TRPM8: variants seen among roughly 807,000 people sequenced by gnomAD.
TRPM8 encodes TRPM8 cationic channel.
TRPM8 carries 110 observed loss-of-function variants against 133.7 expected under a neutral mutation model. That is an observed-to-expected ratio of 0.82 (90% CI 0.70 to 0.96). TRPM8 has a LOEUF of 0.96. TRPM8 is among the 40% of genes least tolerant of loss of function. The pLI is 0.00. For missense variants in TRPM8, 1,291 were observed against 1,379.5 expected (o/e 0.94, Z 1.02); for synonymous variants, 535 against 532.3 (o/e 1.01, Z -0.07).
At chr2:233,957,392 G>A (rs1691319278) in intron 11 of TRPM8, among the ~76,000 whole-genome samples, 1 of 151,988 alleles carries the variant, frequency 6.6e-6, no homozygotes, top group African/African-American at 2.4e-5. Context: ...AGGTGGCTGA[G>A]GTGGGAGGAT....
intron 21 of TRPM8, among the ~76,000 whole-genome samples, chr2:233,994,255 C>T (rs892643207): frequency 2.0e-5 from 3 of 152,198 alleles, no homozygotes; most frequent in Non-Finnish European, 4.4e-5. Context: ...ACAGAACCAG[C>T]TGTGGACTAG....
intron 25 of TRPM8, 42 bp downstream of exon 25, chr2:234,014,696 G>A (rs1692916844): frequency 2.7e-6 from 2 of 734,806 alleles, no homozygotes; most frequent in Non-Finnish European, 4.3e-6. Context: ...CTGAAGATTT[G>A]CATCTTTTAA....
Position 233,926,593 on chromosome 2 carries a change from A to G in TRPM8, c.56A>G (p.Asp19Gly). The stretch of plus-strand genomic sequence containing the variant: ...AGGAACAGAAGGAATGACACTCTGG[A>G]CAGCACCCGGACCCTGTACTCCAGC... ...SMRNRRNDTL[D>G]STRTLYSSAS... is the part of the protein sequence containing the mutation. The change falls in exon 2 of 26, where the codon GAC becomes GGC. Residue 19 changes from aspartate (D) to glycine (G), a missense_variant. Physicochemically the swap from Asp to Gly is moderately conservative, Grantham distance 94. Transcript: ENST00000324695. The G allele has an allele frequency of 6.2e-7, 1 of 1,614,178 alleles. No individual in the cohort carries two copies. Among genetic ancestry groups the G allele is most frequent in the Non-Finnish European group, 8.5e-7 (1 of 1,180,020 alleles).
intron 24 of TRPM8, among the ~76,000 whole-genome samples, chr2:234,010,324 T>C (rs1692805372): frequency 6.6e-6 from 1 of 152,238 alleles, no homozygotes; most frequent in Non-Finnish European, 1.5e-5. Flanking sequence ...TTCCCCATTT[T>C]AAGGGTGAAA....
At position 233,982,954 on chromosome 2, in the gene TRPM8, C is replaced by T. The variant is rs368691123; in HGVS notation, c.2590-99C>T. 3.2e-5 allele frequency: 43 copies of T among 1,338,674 alleles called. 1 individual carries two copies. Among genetic ancestry groups the T allele is most frequent in the Admixed American group, 8.4e-5 (4 of 47,878 alleles). 82.9% of individuals were successfully genotyped at this position (1,338,674 alleles called of 1,614,324 possible). On this transcript the variant is annotated intron_variant, in intron 19 of 25. Transcript: ENST00000324695. Reference sequence around the variant, plus strand: ...ACTTAGATGCTCTGAGCCCTGGAACCGCTGCTCTTCTCCATGGTCCACTGA... The same window carrying T: ...ACTTAGATGCTCTGAGCCCTGGAACTGCTGCTCTTCTCCATGGTCCACTGA...
intron 5 of TRPM8, 125 bp downstream of exon 5, chr2:233,939,300 C>A: frequency 9.4e-7 from 1 of 1,060,424 alleles, no homozygotes; most frequent in Non-Finnish European, 1.3e-6. Flanking sequence ...TCTGATTAAT[C>A]GTTATCTTAT....
intron 2 of TRPM8, 29 bp from the exon 3 acceptor site, chr2:233,930,639 A>C (rs749035985): frequency 6.8e-7 from 1 of 1,463,428 alleles, no homozygotes; most frequent in Admixed American, 1.7e-5. Flanking sequence ...TAAATTAGTA[A>C]TGTGTTATTC....
chr2:234,014,887 C>T (rs550471462), intron 25 of TRPM8, among the ~76,000 whole-genome samples: 33 of 152,150 alleles, frequency 2.2e-4, no homozygotes, highest in Non-Finnish European at 3.5e-4. Flanking sequence ...AGCATTGCTA[C>T]GAGCAGGGTG....
intron 25 of TRPM8, among the ~76,000 whole-genome samples, chr2:234,016,470 T>C (rs542234926): frequency 6.6e-6 from 1 of 152,258 alleles, no homozygotes; most frequent in South Asian, 2.1e-4. Context: ...TTAGGCTTCT[T>C]TCTCTAGAGG....
chr2:233,985,950 T>C (rs1692139360), intron 21 of TRPM8, 85 bp downstream of exon 21: 2 of 1,319,326 alleles, frequency 1.5e-6, no homozygotes, highest in Non-Finnish European at 2.1e-6. Context: ...ATCGCAAAGG[T>C]CCCACCCTTG....
At chr2:233,995,105 G>A (rs1050104808) in intron 21 of TRPM8, among the ~76,000 whole-genome samples, 4 of 152,182 alleles carry the variant, frequency 2.6e-5, no homozygotes, top group African/African-American at 4.8e-5. Flanking sequence ...TAGACGTGGG[G>A]CTGGATTGCG....
At chr2:233,993,191 C>A (rs181550182) in intron 21 of TRPM8, among the ~76,000 whole-genome samples, 3 of 152,172 alleles carry the variant, frequency 2.0e-5, no homozygotes, top group Admixed American at 1.3e-4. Context: ...ATTCACACCC[C>A]CTGGGATGCC....
chr2:233,998,455 C>T (rs1319679129), intron 22 of TRPM8, among the ~76,000 whole-genome samples: 1 of 152,160 alleles, frequency 6.6e-6, no homozygotes, highest in Non-Finnish European at 1.5e-5. Context: ...GAGAGTCCTG[C>T]ATCCTGGGAA....
chr2:234,016,425 A>G (rs1014620786), intron 25 of TRPM8, among the ~76,000 whole-genome samples: 4 of 152,208 alleles, frequency 2.6e-5, no homozygotes, highest in African/African-American at 9.6e-5. Context: ...ATAACTTTAT[A>G]GGCAATCAGC....
At chr2:233,977,848 C>A (rs1691907725) in intron 17 of TRPM8, among the ~76,000 whole-genome samples, 1 of 152,164 alleles carries the variant, frequency 6.6e-6, no homozygotes, top group African/African-American at 2.4e-5. Context: ...AGCTATATGG[C>A]AAGATGTATC....
intron 10 of TRPM8, among the ~76,000 whole-genome samples, chr2:233,954,871 A>G (rs1691253883): frequency 6.6e-6 from 1 of 152,258 alleles, no homozygotes; most frequent in Admixed American, 6.5e-5. Context: ...AACCTTTACT[A>G]TACCATTATT....
Position 233,964,675 on chromosome 2 carries a change from GACTCTGGCCAAAGTGA to G in TRPM8, c.1799_1814del (p.Thr600ArgfsTer179). On this transcript the variant is annotated frameshift_variant, in exon 14 of 26. Coordinates refer to ENST00000324695, the MANE Select transcript of TRPM8 (RefSeq NM_024080.5). LOFTEE classifies it high-confidence loss of function. Reference sequence around the variant, plus strand: ...CCCTGGGAGCCAGCAAGCTTCTGAAGACTCTGGCCAAAGTGAAGAACGACATCAATGCTGCTGGGGA... The same window carrying G: ...CCCTGGGAGCCAGCAAGCTTCTGAAGAGAACGACATCAATGCTGCTGGGGA... The G allele has an allele frequency of 6.2e-7, 1 of 1,610,952 alleles. No individual in the cohort carries two copies. Among genetic ancestry groups the G allele is most frequent in the Non-Finnish European group, 8.5e-7 (1 of 1,178,110 alleles).
intron 8 of TRPM8, chr2:233,947,672 T>C: frequency 8.5e-7 from 1 of 1,179,588 alleles, no homozygotes; most frequent in Admixed American, 2.3e-5. Flanking sequence ...ACTGAGCAAC[T>C]GAGCAAGAAT....
rs1042648198 is a variant in TRPM8 at position 233,970,498 on chromosome 2, T to C, written c.2355+72T>C. The C allele has an allele frequency of 5.6e-6, 8 of 1,417,120 alleles. No individual in the cohort carries two copies. In the African/African-American group the frequency reaches 9.9e-5, roughly 18 times the overall value. 87.8% of individuals were successfully genotyped at this position (1,417,120 alleles called of 1,614,324 possible). On this transcript the variant is annotated intron_variant, in intron 17 of 25. Coordinates refer to ENST00000324695, the MANE Select transcript of TRPM8 (RefSeq NM_024080.5). ...GGCATCTTTCTAAAGCCAAGAGGAA[T>C]AGAAGTTGCTTCTGAAGTTCAAAAG...
Sources: gnomAD v4.1 joint callset for allele counts (sites outside exome capture counted in the v4.1 genomes callset) on GRCh38, gnomAD v4.1.1 for gene constraint, MANE v1.5 for transcripts, NCBI Gene and HGNC (gene_info 2026-07-23, HGNC 2026-07-21) for gene names.